DSC2: variants seen among roughly 807,000 people sequenced by gnomAD.
DSC2 encodes the protein desmocollin-2.
DSC2 carries 51 observed loss-of-function variants against 87.6 expected under a neutral mutation model. The ratio of observed to expected loss-of-function variants is 0.58; its 90% CI spans 0.46 to 0.74. The LOEUF is 0.74. Ranked by LOEUF, DSC2 falls within the 30% of genes least tolerant of loss-of-function variation. The probability of loss-of-function intolerance (pLI) is 0.00; values close to 1 mark genes in which losing one functional copy is unlikely to be tolerated. For synonymous variants in DSC2, 383 were observed against 393.2 expected, an observed-to-expected ratio of 0.97 and a Z score of 0.31; for missense variants, 1,066 against 1,089.5, an observed-to-expected ratio of 0.98 and a Z score of 0.30.
rs1986592234 is a variant in DSC2, at chr18:31,065,509, C to T, written c.*2506G>A. Reference sequence around the variant, plus strand: ...AGCTTAAGTGACTTCTCAAATCCCACAGCTAGTAAGGATAGAGCCGGAATT... The same window carrying T: ...AGCTTAAGTGACTTCTCAAATCCCATAGCTAGTAAGGATAGAGCCGGAATT... On this transcript the variant is annotated 3_prime_UTR_variant, in exon 16 of 16. Transcript: ENST00000280904. 6.6e-6 allele frequency: 1 copy of T among 152,190 alleles called. No individual in the cohort carries two copies. The highest frequency in any genetic ancestry group is 6.5e-5 in the Admixed American group (1 of 15,278). 9.4% of individuals were successfully genotyped at this position (152,190 alleles called of 1,614,324 possible).
chr18:31,084,534 T>C (rs146533496), intron 7 of DSC2, among the ~76,000 whole-genome samples: 1 of 152,272 alleles, frequency 6.6e-6, no homozygotes, highest in East Asian at 1.9e-4. Flanking sequence ...AAAAAGTTAC[T>C]AGAGAGCACC....
chr18:31,069,204 A>T, intron 14 of DSC2, 53 bp from the exon 15 acceptor site: 1 of 1,610,134 alleles, frequency 6.2e-7, no homozygotes, highest in Non-Finnish European at 8.5e-7. Context: ...ACACAAAATT[A>T]TGAAAAAGAA....
At chr18:31,098,266 T>C (rs1277083255) in intron 1 of DSC2, among the ~76,000 whole-genome samples, 1 of 152,218 alleles carries the variant, frequency 6.6e-6, no homozygotes, top group Non-Finnish European at 1.5e-5. Context: ...TTCTATTATC[T>C]GTAGGGAAAC....
At chr18:31,078,975 G>A (rs780759253) in intron 11 of DSC2, among the ~76,000 whole-genome samples, 15 of 151,972 alleles carry the variant, frequency 9.9e-5, no homozygotes, top group Non-Finnish European at 2.1e-4. Flanking sequence ...AATTCATAGT[G>A]TTTGTCTCTC....
Position 31,079,894 on chromosome 18 carries a change from G to A in DSC2, c.1616C>T (p.Thr539Ile). Residue 539 changes from threonine (T) to isoleucine (I), a missense_variant, in exon 11 of 16, where the codon ACC becomes ATC. Transcript: ENST00000280904. ...AATATTATATATGCCATTTTTGATG[G>A]TCTCTGCCTCTCTATCCAGGCTTCT... ...VFRSLDREAE[T>I]IKNGIYNITV... 6.2e-7 allele frequency: 1 copy of A among 1,613,896 alleles called. No homozygotes were observed. Among genetic ancestry groups the A allele is most frequent in the Non-Finnish European group, 8.5e-7 (1 of 1,179,940 alleles).
Position 31,067,061 on chromosome 18 carries a change from T to C in DSC2, c.*954A>G, listed in dbSNP as rs1166709376. On this transcript the variant is annotated 3_prime_UTR_variant, in exon 16 of 16. Coordinates refer to ENST00000280904, the MANE Select transcript of DSC2 (RefSeq NM_024422.6). ...TTCAATGGCAAAATTAAAGGTTTTT[T>C]TTGTTGAAGAGATAATGAAGCAATC... 1 of 152,048 alleles carries C rather than the reference T, an allele frequency of 6.6e-6. No homozygotes were observed. Among genetic ancestry groups the C allele is most frequent in the African/African-American group, 2.4e-5 (1 of 41,428 alleles). 9.4% of individuals were successfully genotyped at this position (152,048 alleles called of 1,614,324 possible).
chr18:31,082,044 A>ATT (rs1481220700), intron 9 of DSC2, among the ~76,000 whole-genome samples, 194 bp downstream of exon 9: 45 of 152,184 alleles, frequency 3.0e-4, no homozygotes, highest in African/African-American at 1.0e-3. Context: ...GACTTTTTAA[A>ATT]AAAAAAAATA....
intron 9 of DSC2, among the ~76,000 whole-genome samples, chr18:31,081,847 C>G (rs543596191): frequency 3.9e-5 from 6 of 152,006 alleles, no homozygotes; most frequent in Admixed American, 6.6e-5. Context: ...TATGAATAAC[C>G]TCTCCATGGG....
Position 31,071,717 on chromosome 18 carries a change from G to A in DSC2, c.2013C>T (p.Cys671=), listed in dbSNP as rs2144791194. The stretch of plus-strand genomic sequence containing the variant: ...GATGTGTGCAGTCATTTTCGGTAAT[G>A]CAGTCACACAGTGTAACATCCAATG... ...VTSLDVTLCD[C]ITENDCTHRV... Residue 671 remains cysteine (C), a synonymous_variant, in exon 13 of 16, where the codon TGC becomes TGT. Coordinates refer to ENST00000280904, the MANE Select transcript of DSC2 (RefSeq NM_024422.6). The A allele has an allele frequency of 1.9e-6, 3 of 1,614,016 alleles. No homozygotes were observed.
rs1208326016 is a variant in DSC2, at chr18:31,080,207, T to A, written c.1409A>T (p.Glu470Val). 1 of 1,613,978 alleles carries A rather than the reference T, an allele frequency of 6.2e-7. No homozygotes were observed. The change falls in exon 10 of 16, where the codon GAG becomes GTG. Residue 470 changes from glutamate to valine, a missense_variant. By Grantham distance (121) the Glu-to-Val change is moderately radical. Coordinates refer to ENST00000280904, the MANE Select transcript of DSC2 (RefSeq NM_024422.6). ...VNVEDQDEGP[E>V]CNPPIQTVRM... Reference sequence around the variant, plus strand: ...AACAGTCTGTATTGGAGGGTTACACTCAGGGCCCTCATCCTGATCTTCTAC... The same window carrying A: ...AACAGTCTGTATTGGAGGGTTACACACAGGGCCCTCATCCTGATCTTCTAC...
chr18:31,074,713 G>T lies in DSC2; in HGVS notation c.1858C>A (p.Gln620Lys). 6.2e-7 allele frequency: 1 copy of T among 1,613,738 alleles called. No individual in the cohort carries two copies. The highest frequency in any genetic ancestry group is 1.1e-5 in the South Asian group (1 of 91,050). ...ATTGCTTTCAGTCTCCACATTCTCT[G>T]TACTTCTGAAGTAGAACTCTCCAGA... ...FSLESSTSEV[Q>K]RMWRLKAIND... The change falls in exon 12 of 16, where the codon CAG (glutamine) becomes AAG (lysine). Residue 620 changes from glutamine (Q) to lysine (K), a missense_variant. Gln to Lys is a moderately conservative substitution (Grantham distance 53). Coordinates refer to ENST00000280904, the MANE Select transcript of DSC2 (RefSeq NM_024422.6).
At position 31,092,134 on chromosome 18, in the gene DSC2, C is replaced by A. The variant is rs140856220; in HGVS notation, c.321G>T (p.Lys107Asn). ...LLSNTENQEK[K>N]KIFVFLEHQT... ...GATGCTCCAAAAAGACAAATATTTT[C>A]TTCTTTTCTTGGTTCTCAGTGTTGG... The change falls in exon 3 of 16, where the codon AAG becomes AAT. Residue 107 changes from lysine to asparagine, a missense_variant. Transcript: ENST00000280904. 4.3e-6 allele frequency: 7 copies of A among 1,612,900 alleles called. No individual in the cohort carries two copies. The highest frequency in any genetic ancestry group is 2.7e-5 in the African/African-American group (2 of 74,858).
Position 31,067,822 on chromosome 18 carries a change from T to C in DSC2, c.*193A>G. 2 of 584,512 alleles carry C rather than the reference T, an allele frequency of 3.4e-6. No individual in the cohort carries two copies. The highest frequency in any genetic ancestry group is 6.0e-6 in the Non-Finnish European group (2 of 333,322). The allele number at this position is 584,512 out of a possible 1,614,324, so 36.2% of individuals were successfully genotyped here. A position where few individuals can be genotyped will look rare whatever the true frequency, so the allele number is the denominator to read the frequency against. On this transcript the variant is annotated 3_prime_UTR_variant, in exon 16 of 16. Transcript: ENST00000280904. Reference sequence around the variant, plus strand: ...ATAGAAGATAAGTAATTTAAAAATATGTAAAAATTGAAAAATTTGTGTACT... The same window carrying C: ...ATAGAAGATAAGTAATTTAAAAATACGTAAAAATTGAAAAATTTGTGTACT...
chr18:31,093,457 C>G, intron 2 of DSC2, 102 bp downstream of exon 2: 1 of 871,350 alleles, frequency 1.1e-6, no homozygotes, highest in South Asian at 1.4e-5. Flanking sequence ...ACATCCCTTC[C>G]AAGGGACAAG....
chr18:31,068,684 T>C (rs1986712912), intron 15 of DSC2, among the ~76,000 whole-genome samples: 1 of 152,152 alleles, frequency 6.6e-6, no homozygotes, highest in Non-Finnish European at 1.5e-5. Flanking sequence ...CATTATTTAG[T>C]AATTCTTTCA....
Position 31,102,073 on chromosome 18 carries a change from A to G in DSC2, c.-102T>C, listed in dbSNP as rs1395791103. The stretch of plus-strand genomic sequence containing the variant: ...GGAGCGCAGTCTGGGCCCGCTGCTC[A>G]GGAGGAGCGCGAGGCGGAGGAGGTG... On this transcript the variant is annotated 5_prime_UTR_variant, in exon 1 of 16. Transcript: ENST00000280904. The G allele has an allele frequency of 1.9e-6, 2 of 1,050,788 alleles. No homozygotes were observed. The highest frequency in any genetic ancestry group is 4.0e-5 in the Admixed American group (1 of 24,824). The allele number at this position is 1,050,788 out of a possible 1,614,324, so 65.1% of individuals were successfully genotyped here. A position where few individuals can be genotyped will look rare whatever the true frequency, so the allele number is the denominator to read the frequency against.
rs115825426 is a variant in DSC2, at chr18:31,079,613, T to C, written c.1663+234A>G. On this transcript the variant is annotated intron_variant, in intron 11 of 15. Coordinates refer to ENST00000280904, the MANE Select transcript of DSC2 (RefSeq NM_024422.6). Reference sequence around the variant, plus strand: ...TTTAATAATTTTAACTTTAATAAATTATGGTCTCAAGTGTTTCTAAGAGTA... The same window carrying C: ...TTTAATAATTTTAACTTTAATAAATCATGGTCTCAAGTGTTTCTAAGAGTA... Among the ~76,000 whole-genome samples, 178 of 152,274 alleles carry C rather than the reference T, an allele frequency of 1.2e-3. 2 individuals are homozygous for C. Among genetic ancestry groups the C allele is most frequent in the African/African-American group, 4.0e-3 (168 of 41,528 alleles).
chr18:31,080,301 T>C lies in DSC2; in HGVS notation c.1315A>G (p.Asn439Asp), dbSNP rs148712725. Residue 439 changes from asparagine (N) to aspartate (D), a missense_variant, in exon 10 of 16, where the codon AAT (asparagine) becomes GAT (aspartate). Physicochemically the swap from Asn to Asp is conservative, Grantham distance 23. Coordinates refer to ENST00000280904, the MANE Select transcript of DSC2 (RefSeq NM_024422.6). The stretch of plus-strand genomic sequence containing the variant: ...GCCTCTCTGGAAAATGGAGCTTCAT[T>C]AACTACACCAATTTGCAAGATCATC... ...QQMILQIGVV[N>D]EAPFSREASP... The C allele has an allele frequency of 3.8e-5, 62 of 1,613,932 alleles. No homozygotes were observed. Among genetic ancestry groups the C allele is most frequent in the Non-Finnish European group, 5.1e-5 (60 of 1,179,972 alleles).
At position 31,068,209 on chromosome 18, in the gene DSC2, C is replaced by T. The variant is rs1986695514; in HGVS notation, c.2512G>A (p.Val838Met). Residue 838 changes from valine (V) to methionine (M), a missense_variant, in exon 16 of 16, where the codon GTG (valine) becomes ATG (methionine). Coordinates refer to ENST00000280904, the MANE Select transcript of DSC2 (RefSeq NM_024422.6). The part of the protein sequence containing the change: ...SFTQPRLGEK[V>M]YLCNQDENHK... Reference sequence around the variant, plus strand: ...TTTTCATCTTGATTACACAGATACACTTTCTGCCAAGGGGAAAAACACAAC... The same window carrying T: ...TTTTCATCTTGATTACACAGATACATTTTCTGCCAAGGGGAAAAACACAAC... 1.9e-6 allele frequency: 3 copies of T among 1,613,944 alleles called. No homozygotes were observed. Among genetic ancestry groups the T allele is most frequent in the Non-Finnish European group, 2.5e-6 (3 of 1,179,992 alleles).
Sources: gnomAD v4.1 joint callset for allele counts (sites outside exome capture counted in the v4.1 genomes callset) on GRCh38, gnomAD v4.1.1 for gene constraint, MANE v1.5 for transcripts, NCBI Gene and HGNC (gene_info 2026-07-23, HGNC 2026-07-21) for gene names.